TTC7A: variants seen among roughly 807,000 people sequenced by gnomAD.
TTC7A encodes tetratricopeptide repeat domain 7A, also known as tetratricopeptide repeat protein 7A.
In TTC7A, 110 loss-of-function variants were observed where a neutral mutation model predicts 103.7. The observed-to-expected ratio is 1.06, with a 90% confidence interval of 0.91 to 1.24. TTC7A has a LOEUF of 1.24. Among genes scored for constraint, TTC7A ranks in the 50% most tolerant of loss-of-function variants. The probability of loss-of-function intolerance (pLI) is 0.00; values close to 1 mark genes in which losing one functional copy is unlikely to be tolerated. For synonymous variants in TTC7A, 521 were observed against 467.9 expected (o/e 1.11, Z -1.47); for missense variants, 1,340 against 1,116.3 (o/e 1.20, Z -2.86).
chr2:46,931,361 C>T (rs1188693657), intron 2 of TTC7A, among the ~76,000 whole-genome samples: 3 of 152,378 alleles, frequency 2.0e-5, no homozygotes, highest in Non-Finnish European at 2.9e-5. Flanking sequence ...GCTGGGCTTA[C>T]AGCCATAAGC....
At chr2:47,043,338 C>A (rs1681968189) in intron 15 of TTC7A, among the ~76,000 whole-genome samples, 1 of 152,152 alleles carries the variant, frequency 6.6e-6, no homozygotes. Flanking sequence ...GTGCACAGCC[C>A]CCATGGGGAT....
chr2:46,994,078 G>C (rs531187616), intron 6 of TTC7A, among the ~76,000 whole-genome samples: 7 of 152,166 alleles, frequency 4.6e-5, no homozygotes, highest in Non-Finnish European at 1.0e-4. Context: ...GGGCTCCAAG[G>C]GGTCAGGAGA....
At chr2:47,069,998 G>A (rs1684528880) in intron 19 of TTC7A, among the ~76,000 whole-genome samples, 1 of 152,184 alleles carries the variant, frequency 6.6e-6, no homozygotes, top group South Asian at 2.1e-4. Context: ...GAGGGCAGGG[G>A]TGGGGAGGGA....
At position 47,060,991 on chromosome 2, in the gene TTC7A, G is replaced by C. The variant is rs767728866; in HGVS notation, c.2355+20G>C. On this transcript the variant is annotated intron_variant, in intron 19 of 19. Transcript: ENST00000319190. ...AGCCTGGTGAGTCAGAGCCCCCCGC[G>C]CTCCCACCACCTCCTCCCACAGCCT... is the stretch of plus-strand genomic sequence containing the variant. The C allele has an allele frequency of 1.3e-6, 2 of 1,570,776 alleles. No homozygotes were observed. Among genetic ancestry groups the C allele is most frequent in the Non-Finnish European group, 1.7e-6 (2 of 1,155,512 alleles).
intron 11 of TTC7A, among the ~76,000 whole-genome samples, chr2:47,017,157 G>T (rs1002808564): frequency 7.4e-6 from 1 of 134,276 alleles, no homozygotes; most frequent in Non-Finnish European, 1.5e-5. Flanking sequence ...TCAAGATCAT[G>T]CCACTGCACT....
chr2:47,044,313 ATTG>A (rs1310412269), intron 15 of TTC7A, among the ~76,000 whole-genome samples: 1 of 152,144 alleles, frequency 6.6e-6, no homozygotes, highest in East Asian at 1.9e-4. Flanking sequence ...TAGCGCTCTA[ATTG>A]TTGTCTCGAA....
chr2:46,972,162 C>T (rs1476860396), intron 3 of TTC7A, among the ~76,000 whole-genome samples: 1 of 151,318 alleles, frequency 6.6e-6, no homozygotes, highest in South Asian at 2.1e-4. Context: ...TCATTTTTTT[C>T]GTGACTAAGA....
At chr2:46,980,574 C>T (rs146709736) in intron 5 of TTC7A, among the ~76,000 whole-genome samples, 1 of 152,296 alleles carries the variant, frequency 6.6e-6, no homozygotes, top group African/African-American at 2.4e-5. Context: ...TTTTCCGCGA[C>T]TCACAACCAG....
At chr2:46,960,028 G>A (rs940190930) in intron 3 of TTC7A, among the ~76,000 whole-genome samples, 6 of 152,132 alleles carry the variant, frequency 3.9e-5, no homozygotes, top group South Asian at 4.1e-4. Context: ...TCCATGTCCA[G>A]GTGGTCTGTG....
upstream of TTC7A, chr2:46,916,033 C>T (rs577940835): frequency 8.1e-6 from 8 of 985,454 alleles, no homozygotes; most frequent in East Asian, 9.1e-4. Context: ...CGCTGGACGC[C>T]CTAGGGGCCC....
chr2:46,942,597 C>T (rs779487756), intron 1 of TTC7A, among the ~76,000 whole-genome samples: 4 of 152,164 alleles, frequency 2.6e-5, no homozygotes, highest in Non-Finnish European at 1.5e-5. Context: ...CAGACACTGT[C>T]CTGAGCACTT....
intron 2 of TTC7A, among the ~76,000 whole-genome samples, chr2:46,953,859 T>C (rs59191871): frequency 0.17 from 25,063 of 150,928 alleles, 2,956 homozygotes; most frequent in African/African-American, 0.34. Context: ...ACACAGTTCT[T>C]ACTGTGTTTC....
rs752603355 is a variant in TTC7A, at chr2:46,978,882, G to A, written c.739G>A (p.Ala247Thr). Residue 247 changes from alanine to threonine, a missense_variant, in exon 5 of 20, where the codon GCC becomes ACC. Ala to Thr is a moderately conservative substitution (Grantham distance 58, BLOSUM62 0). Transcript: ENST00000319190. ...CTTCCTGGAAGCTGCCCTCCAGAGC[G>A]CCTATGTGAAAAACCTGAAGAAGGG... ...TYFLEAALQS[A>T]YVKNLKKGNI... is the part of the protein sequence containing the mutation. The A allele has an allele frequency of 2.3e-5, 37 of 1,613,932 alleles. No individual in the cohort carries two copies. The highest frequency in any genetic ancestry group is 3.3e-5 in the Admixed American group (2 of 59,998).
chr2:47,055,213 C>G lies in TTC7A; in HGVS notation c.2152+3333C>G, dbSNP rs1019854264. 2.6e-5 allele frequency among the ~76,000 whole-genome samples: 4 copies of G among 152,290 alleles called. No homozygotes were observed. In the East Asian group the frequency reaches 7.7e-4, roughly 29 times the overall value. On this transcript the variant is annotated intron_variant, in intron 18 of 19. Transcript: ENST00000319190. Reference sequence around the variant, plus strand: ...AATTTGCAGGAAGGGAAAAAGATGCCTTGATCATTTTGGAAGGAGCTAATC... The same window carrying G: ...AATTTGCAGGAAGGGAAAAAGATGCGTTGATCATTTTGGAAGGAGCTAATC...
exon 1 of TTC7A, chr2:46,916,510 C>T (rs1206226574): frequency 6.6e-6 from 1 of 152,426 alleles, no homozygotes; most frequent in Admixed American, 6.5e-5. Context: ...ATACATCATC[C>T]CTGTATCGAA....
At chr2:47,008,525 G>C (rs964182272) in intron 10 of TTC7A, among the ~76,000 whole-genome samples, 2 of 152,240 alleles carry the variant, frequency 1.3e-5, no homozygotes, top group African/African-American at 4.8e-5. Context: ...CCGGGAGTGG[G>C]CTTGCATCAG....
intron 18 of TTC7A, among the ~76,000 whole-genome samples, chr2:47,052,873 G>A (rs373619809): frequency 3.9e-5 from 6 of 152,180 alleles, no homozygotes; most frequent in African/African-American, 1.2e-4. Context: ...TCATGGGGGT[G>A]TGCTATTGTC....
chr2:47,040,142 C>T (rs1283721776), intron 15 of TTC7A, among the ~76,000 whole-genome samples: 3 of 152,198 alleles, frequency 2.0e-5, no homozygotes, highest in African/African-American at 7.2e-5. Flanking sequence ...TGGCAGCATC[C>T]TGACGAGGGC....
chr2:46,979,041 C>T (rs1457195505), intron 5 of TTC7A, 134 bp downstream of exon 5: 5 of 619,630 alleles, frequency 8.1e-6, no homozygotes, highest in East Asian at 5.8e-5. Flanking sequence ...TGGGAACTGG[C>T]TTGTGTCACA....
Sources: gnomAD v4.1 joint callset for allele counts (sites outside exome capture counted in the v4.1 genomes callset) on GRCh38, gnomAD v4.1.1 for gene constraint, MANE v1.5 for transcripts, NCBI Gene and HGNC (gene_info 2026-07-23, HGNC 2026-07-21) for gene names.